Variants in ADAMTS17 observed in about 807,000 individuals in gnomAD.
ADAMTS17 encodes A disintegrin and metalloproteinase with thrombospondin motifs 17.
In ADAMTS17, 113 loss-of-function variants were observed where a neutral mutation model predicts 141.5. The ratio of observed to expected loss-of-function variants is 0.80; its 90% CI spans 0.69 to 0.93. ADAMTS17 has a LOEUF of 0.93. ADAMTS17 is among the 40% of genes least tolerant of loss of function. The probability of loss-of-function intolerance (pLI) is 0.00; values close to 1 mark genes in which losing one functional copy is unlikely to be tolerated. For missense variants in ADAMTS17, 1,659 were observed against 1,517.9 expected, an observed-to-expected ratio of 1.09 and a Z score of -1.54; for synonymous variants, 768 against 630.6, an observed-to-expected ratio of 1.22 and a Z score of -3.27.
At chr15:100,155,901 T>C (rs945153809) in intron 8 of ADAMTS17, among the ~76,000 whole-genome samples, 3 of 152,200 alleles carry the variant, frequency 2.0e-5, no homozygotes, top group East Asian at 3.9e-4. Context: ...GGAGGGCTCA[T>C]CACACTGTGA....
At chr15:100,219,300 T>C (rs2042061408) in intron 7 of ADAMTS17, among the ~76,000 whole-genome samples, 2 of 152,212 alleles carry the variant, frequency 1.3e-5, no homozygotes, top group South Asian at 2.1e-4. Context: ...TCTATAAATA[T>C]ACTAAAAACC....
chr15:100,247,768 T>C (rs2043032292), intron 7 of ADAMTS17, among the ~76,000 whole-genome samples: 1 of 152,022 alleles, frequency 6.6e-6, no homozygotes, highest in Admixed American at 6.5e-5. Flanking sequence ...CCCCCTCACC[T>C]CTTGCCAGTT....
At chr15:100,076,476 TC>T (rs2034387952) in intron 15 of ADAMTS17, among the ~76,000 whole-genome samples, 1 of 152,224 alleles carries the variant, frequency 6.6e-6, no homozygotes, top group Non-Finnish European at 1.5e-5. Context: ...GTTTTCCTTG[TC>T]CCCTTTATCT....
chr15:100,010,173 A>T (rs1209292385), intron 18 of ADAMTS17, among the ~76,000 whole-genome samples: 1 of 152,206 alleles, frequency 6.6e-6, no homozygotes, highest in African/African-American at 2.4e-5. Context: ...CTCCCCTGCC[A>T]CGTGCAACTG....
chr15:100,048,951 T>G lies in ADAMTS17; in HGVS notation c.2497A>C (p.Lys833Gln). Residue 833 changes from lysine (K) to glutamine (Q), a missense_variant, in exon 18 of 22, where the codon AAG becomes CAG. Coordinates refer to ENST00000268070, the MANE Select transcript of ADAMTS17 (RefSeq NM_139057.4). The part of the protein sequence containing the change: ...TIVSCTRIVN[K>Q]TTTLVNDSDC... The stretch of plus-strand genomic sequence containing the variant: ...CTGTCGTTCACCAGAGTTGTGGTCT[T>G]GTTGACAATCCGTGTACACGAGACG... 2 of 1,614,168 alleles carry G rather than the reference T, an allele frequency of 1.2e-6. No individual in the cohort carries two copies. Among genetic ancestry groups the G allele is most frequent in the Non-Finnish European group, 1.7e-6 (2 of 1,180,036 alleles).
At chr15:100,145,424 A>G (rs1410132850) in intron 10 of ADAMTS17, among the ~76,000 whole-genome samples, 2 of 152,222 alleles carry the variant, frequency 1.3e-5, no homozygotes, top group Non-Finnish European at 2.9e-5. Flanking sequence ...AGTATTTTTC[A>G]TATTAAAGAA....
chr15:100,250,251 CT>C (rs2043112844), intron 7 of ADAMTS17, among the ~76,000 whole-genome samples: 1 of 152,158 alleles, frequency 6.6e-6, no homozygotes, highest in Non-Finnish European at 1.5e-5. Flanking sequence ...CAAAAAAACG[CT>C]GTTATATACC....
At chr15:100,148,318 G>A (rs1431709163) in intron 10 of ADAMTS17, among the ~76,000 whole-genome samples, 1 of 152,146 alleles carries the variant, frequency 6.6e-6, no homozygotes, top group Non-Finnish European at 1.5e-5. Context: ...ATTTGCCCAC[G>A]AAATTACTAC....
chr15:100,058,178 G>A (rs1301739267), intron 15 of ADAMTS17, among the ~76,000 whole-genome samples: 1 of 57,930 alleles, frequency 1.7e-5, no homozygotes, highest in Non-Finnish European at 4.4e-5. Context: ...TCCTATCCCG[G>A]CTCTAACACC....
At position 100,092,093 on chromosome 15, in the gene ADAMTS17, C is replaced by T. The variant is rs747270775; in HGVS notation, c.2137+4263G>A. Among the ~76,000 whole-genome samples the T allele has an allele frequency of 3.3e-5, 5 of 152,144 alleles. No individual in the cohort carries two copies. In the South Asian group the frequency reaches 8.3e-4, roughly 25 times the overall value. ...ACTTTTCTATGGAAGAAGGTGCCAG[C>T]GAAGGCTAAATTCTCTGGCATGTCT... On this transcript the variant is annotated intron_variant, in intron 15 of 21. Coordinates refer to ENST00000268070, the MANE Select transcript of ADAMTS17 (RefSeq NM_139057.4).
At chr15:100,057,631 T>C (rs1201657590) in intron 15 of ADAMTS17, among the ~76,000 whole-genome samples, 1 of 152,170 alleles carries the variant, frequency 6.6e-6, no homozygotes, top group East Asian at 1.9e-4. Flanking sequence ...GGGTTTCTCC[T>C]GGGAACATGT....
At chr15:100,067,136 C>T (rs531207079) in intron 15 of ADAMTS17, among the ~76,000 whole-genome samples, 334 of 151,286 alleles carry the variant, frequency 2.2e-3, no homozygotes, top group African/African-American at 7.6e-3. Flanking sequence ...AAGTGTCGTT[C>T]CTTTCTAAGT....
chr15:100,116,826 G>A (rs779065142), intron 13 of ADAMTS17, 21 bp downstream of exon 13: 2 of 1,613,858 alleles, frequency 1.2e-6, no homozygotes, highest in Non-Finnish European at 1.7e-6. Context: ...TGCCATGCAA[G>A]GACATGCCAT....
At chr15:100,060,876 G>A (rs889995253) in intron 15 of ADAMTS17, among the ~76,000 whole-genome samples, 5 of 152,172 alleles carry the variant, frequency 3.3e-5, no homozygotes, top group Non-Finnish European at 7.3e-5. Context: ...AGTTACACTG[G>A]GTTGACTTCC....
chr15:100,289,088 G>T (rs2044543247), intron 3 of ADAMTS17, among the ~76,000 whole-genome samples: 1 of 152,012 alleles, frequency 6.6e-6, no homozygotes, highest in Non-Finnish European at 1.5e-5. Flanking sequence ...AAATAAGATT[G>T]GTAGACCTCT....
chr15:100,232,310 C>T (rs1369153984), intron 7 of ADAMTS17, among the ~76,000 whole-genome samples: 1 of 152,222 alleles, frequency 6.6e-6, no homozygotes. Flanking sequence ...GGTGGGCTTC[C>T]CCCTGCCAGC....
chr15:100,114,311 A>G (rs1361154869), intron 13 of ADAMTS17, among the ~76,000 whole-genome samples: 1 of 152,160 alleles, frequency 6.6e-6, no homozygotes, highest in Non-Finnish European at 1.5e-5. Flanking sequence ...AAGAGCCCGG[A>G]GCCCAACCAC....
rs114891526 is a variant in ADAMTS17 at position 100,258,023 on chromosome 15, A to G, written c.1031+3456T>C. 3.1e-3 allele frequency among the ~76,000 whole-genome samples: 475 copies of G among 152,328 alleles called. 3 individuals carry two copies. The highest frequency in any genetic ancestry group is 0.011 in the African/African-American group (446 of 41,560). Reference sequence around the variant, plus strand: ...CACGCAGTATTTGTCCTTGAGGTTCATCCATGTTGTAGCGCGTGTCACAAT... The same window carrying G: ...CACGCAGTATTTGTCCTTGAGGTTCGTCCATGTTGTAGCGCGTGTCACAAT... On this transcript the variant is annotated intron_variant, in intron 6 of 21. Coordinates refer to ENST00000268070, the MANE Select transcript of ADAMTS17 (RefSeq NM_139057.4).
intron 17 of ADAMTS17, 104 bp downstream of exon 17, chr15:100,051,468 T>G: frequency 1.3e-6 from 2 of 1,506,002 alleles, no homozygotes; most frequent in South Asian, 2.3e-5. Context: ...CCCATGGAGC[T>G]ACAGGTTGCA....
Sources: allele counts gnomAD v4.1 joint callset (sites outside exome capture counted in the v4.1 genomes callset), GRCh38; gene constraint gnomAD v4.1.1; transcripts MANE v1.5; gene names NCBI Gene and HGNC (gene_info 2026-07-23, HGNC 2026-07-21).